SIPA1L1: variants seen among roughly 807,000 people sequenced by gnomAD.
SIPA1L1 encodes the protein signal-induced proliferation-associated 1-like protein 1.
SIPA1L1 carries 26 observed loss-of-function variants against 162.7 expected under a neutral mutation model. The ratio of observed to expected loss-of-function variants is 0.16; its 90% CI spans 0.12 to 0.22. SIPA1L1 has a LOEUF of 0.22. SIPA1L1 is among the 10% of genes least tolerant of loss of function. SIPA1L1 has a pLI of 1.00. For missense variants in SIPA1L1, 1,874 were observed against 2,241.0 expected (o/e 0.84, Z 3.31); for synonymous variants, 829 against 837.4 (o/e 0.99, Z 0.17).
chr14:71,469,667 G>A (rs1172596755), intron 2 of SIPA1L1, among the ~76,000 whole-genome samples: 1 of 152,152 alleles, frequency 6.6e-6, no homozygotes, highest in Non-Finnish European at 1.5e-5. Flanking sequence ...ACTACAGTGT[G>A]GGATTGGTCC....
chr14:71,573,102 G>T (rs1262560220), intron 4 of SIPA1L1, among the ~76,000 whole-genome samples: 2 of 152,208 alleles, frequency 1.3e-5, no homozygotes, highest in Non-Finnish European at 2.9e-5. Flanking sequence ...ATTGAAAGTG[G>T]CTGTGGCTGT....
intron 17 of SIPA1L1, among the ~76,000 whole-genome samples, chr14:71,718,994 A>G (rs1304315383): frequency 6.6e-6 from 1 of 151,700 alleles, no homozygotes; most frequent in East Asian, 1.9e-4. Flanking sequence ...GCTGGAGTAT[A>G]GTGGTGTGAA....
At chr14:71,689,071 G>A (rs895649710) in intron 13 of SIPA1L1, among the ~76,000 whole-genome samples, 1 of 151,982 alleles carries the variant, frequency 6.6e-6, no homozygotes, top group East Asian at 1.9e-4. Context: ...TCTTTAATTT[G>A]TATGTAGTAT....
At chr14:71,466,884 C>A (rs1009736382) in intron 2 of SIPA1L1, among the ~76,000 whole-genome samples, 2 of 152,186 alleles carry the variant, frequency 1.3e-5, no homozygotes, top group Non-Finnish European at 2.9e-5. Context: ...TAACAATTTT[C>A]TCTTCCATAG....
At chr14:71,695,486 A>T (rs1351254422) in intron 13 of SIPA1L1, among the ~76,000 whole-genome samples, 3 of 152,258 alleles carry the variant, frequency 2.0e-5, no homozygotes, top group African/African-American at 7.2e-5. Context: ...AGCTTAATAT[A>T]CGTTTGGAGA....
intron 12 of SIPA1L1, among the ~76,000 whole-genome samples, chr14:71,681,884 C>T (rs1241263004): frequency 2.0e-5 from 3 of 152,166 alleles, no homozygotes; most frequent in African/African-American, 7.2e-5. Context: ...GATGGAGTAG[C>T]TTTTCCATTA....
intron 2 of SIPA1L1, among the ~76,000 whole-genome samples, chr14:71,487,973 C>T (rs2048907789): frequency 6.6e-6 from 1 of 152,212 alleles, no homozygotes; most frequent in African/African-American, 2.4e-5. Flanking sequence ...CATACACATA[C>T]ACCCCATCCT....
At chr14:71,623,262 G>A (rs1473421660) in intron 6 of SIPA1L1, among the ~76,000 whole-genome samples, 1 of 152,152 alleles carries the variant, frequency 6.6e-6, no homozygotes, top group East Asian at 1.9e-4. Flanking sequence ...AAATGGAAAT[G>A]TATTCAGTTT....
intron 2 of SIPA1L1, among the ~76,000 whole-genome samples, chr14:71,336,347 C>T (rs1008306334): frequency 2.6e-5 from 4 of 152,182 alleles, no homozygotes; most frequent in Non-Finnish European, 5.9e-5. Flanking sequence ...CAGTCACCCC[C>T]CATTTCTTTC....
intron 6 of SIPA1L1, among the ~76,000 whole-genome samples, chr14:71,622,866 T>G (rs1381254977): frequency 6.6e-6 from 1 of 152,196 alleles, no homozygotes. Flanking sequence ...CAGGGTCTTC[T>G]GTGCACCCCC....
intron 4 of SIPA1L1, among the ~76,000 whole-genome samples, chr14:71,532,355 C>G (rs2053527060): frequency 6.6e-6 from 1 of 152,148 alleles, no homozygotes; most frequent in Non-Finnish European, 1.5e-5. Context: ...GAGTCTTCTT[C>G]TTTCTTATAT....
chr14:71,336,866 C>T (rs1156403903), intron 2 of SIPA1L1, among the ~76,000 whole-genome samples: 1 of 152,164 alleles, frequency 6.6e-6, no homozygotes, highest in Non-Finnish European at 1.5e-5. Context: ...TGTGACCAAG[C>T]TTTATCATTT....
At chr14:71,692,510 C>G (rs2081323947) in intron 13 of SIPA1L1, among the ~76,000 whole-genome samples, 1 of 152,202 alleles carries the variant, frequency 6.6e-6, no homozygotes, top group Admixed American at 6.5e-5. Context: ...CCACTCCTTG[C>G]AGGAAACAGC....
intron 7 of SIPA1L1, among the ~76,000 whole-genome samples, chr14:71,636,475 G>GA (rs757805952): frequency 1.3e-5 from 2 of 152,206 alleles, no homozygotes; most frequent in South Asian, 2.1e-4. Context: ...CAAGGGAAAT[G>GA]AAAAAATGTA....
intron 5 of SIPA1L1, among the ~76,000 whole-genome samples, chr14:71,609,149 T>C (rs1425774382): frequency 6.6e-6 from 1 of 152,228 alleles, no homozygotes; most frequent in Non-Finnish European, 1.5e-5. Context: ...AGCTGTTTTT[T>C]CCAATTCTTG....
chr14:71,625,351 G>A (rs1440616053), intron 7 of SIPA1L1, among the ~76,000 whole-genome samples: 1 of 149,888 alleles, frequency 6.7e-6, no homozygotes, highest in African/African-American at 2.5e-5. Context: ...CCCAGGCGGA[G>A]TGCAGTGGCG....
chr14:71,680,492 T>C (rs886256308), intron 12 of SIPA1L1, among the ~76,000 whole-genome samples: 8 of 152,038 alleles, frequency 5.3e-5, no homozygotes, highest in South Asian at 2.1e-4. Flanking sequence ...AGATCTAAAA[T>C]TGACACCCTA....
At chr14:71,559,833 T>C (rs1334905026) in intron 4 of SIPA1L1, among the ~76,000 whole-genome samples, 110 of 5,338 alleles carry the variant, frequency 0.021, 5 homozygotes, top group Non-Finnish European at 5.3e-4. Flanking sequence ...TTATATAAAC[T>C]TTTTTTTTTT....
At chr14:71,453,683 G>T (rs2045975071) in intron 2 of SIPA1L1, among the ~76,000 whole-genome samples, 12 of 152,082 alleles carry the variant, frequency 7.9e-5, no homozygotes, top group Admixed American at 7.9e-4. Flanking sequence ...GATCCTTGAA[G>T]TATTGCATTA....
Sources: allele counts gnomAD v4.1 joint callset (sites outside exome capture counted in the v4.1 genomes callset), GRCh38; gene constraint gnomAD v4.1.1; transcripts MANE v1.5; gene names NCBI Gene and HGNC (gene_info 2026-07-23, HGNC 2026-07-21).